PLD5: variants seen among roughly 807,000 people sequenced by gnomAD.
The protein encoded by PLD5 is phospholipase D family member 5, also known as inactive phospholipase D5.
A neutral mutation model predicts 61.1 loss-of-function variants in PLD5; 36 were observed. That is an observed-to-expected ratio of 0.59 (90% CI 0.45 to 0.78). The LOEUF (loss-of-function observed/expected upper bound fraction) is 0.78, where lower values mean the gene tolerates loss of function less well. Among genes scored for constraint, PLD5 ranks in the 30% least tolerant of loss-of-function variants. The probability of loss-of-function intolerance (pLI) is 0.00; values close to 1 mark genes in which losing one functional copy is unlikely to be tolerated. For synonymous variants in PLD5, 243 were observed against 242.8 expected, an observed-to-expected ratio of 1.00 and a Z score of -0.01; for missense variants, 515 against 644.4, an observed-to-expected ratio of 0.80 and a Z score of 2.17.
In PLD5 at chr1:242,089,484, T is replaced by C. The variant is rs1659644604; in HGVS notation, c.*370A>G. 2.2e-6 allele frequency: 1 copy of C among 449,792 alleles called. No individual in the cohort carries two copies. Among genetic ancestry groups the C allele is most frequent in the African/African-American group, 2.0e-5 (1 of 49,862 alleles). 27.9% of individuals were successfully genotyped at this position (449,792 alleles called of 1,614,324 possible). On this transcript the variant is annotated 3_prime_UTR_variant, in exon 10 of 10. Coordinates refer to ENST00000536534, the MANE Select transcript of PLD5 (RefSeq NM_001372062.1). ...TCACCTTCCTCTCTAAATCAACAGT[T>C]CTCAGAATGGTGTTAAAGAGCCCAC...
intron 4 of PLD5, among the ~76,000 whole-genome samples, chr1:242,237,522 AG>A (rs1177759180): frequency 6.6e-6 from 1 of 152,146 alleles, no homozygotes; most frequent in African/African-American, 2.4e-5. Flanking sequence ...TGCAGGAGCA[AG>A]GGGGCTCTCC....
chr1:242,293,819 C>T lies in PLD5; in HGVS notation c.327-5289G>A, dbSNP rs373756434. Among the ~76,000 whole-genome samples, 5 of 152,182 alleles carry T rather than the reference C, an allele frequency of 3.3e-5. No homozygotes were observed. In the East Asian group the frequency reaches 5.8e-4, roughly 18 times the overall value. On this transcript the variant is annotated intron_variant, in intron 2 of 9. Coordinates refer to ENST00000536534, the MANE Select transcript of PLD5 (RefSeq NM_001372062.1). ...CTCTCCTCCTCTTTCTTTACCCAGA[C>T]ATGTTGATTGCTCCTTCTGGGACGC...
At chr1:242,409,794 C>T (rs988505983) in intron 1 of PLD5, among the ~76,000 whole-genome samples, 1 of 152,170 alleles carries the variant, frequency 6.6e-6, no homozygotes, top group Non-Finnish European at 1.5e-5. Context: ...TAAAGGAAGG[C>T]CGCCATGATG....
intron 4 of PLD5, among the ~76,000 whole-genome samples, chr1:242,243,687 C>T (rs1672195027): frequency 6.6e-6 from 1 of 152,162 alleles, no homozygotes; most frequent in African/African-American, 2.4e-5. Context: ...TAGGCCAGAT[C>T]CTGTCCAACT....
At chr1:242,262,428 T>A (rs1295889718) in intron 4 of PLD5, among the ~76,000 whole-genome samples, 1 of 152,236 alleles carries the variant, frequency 6.6e-6, no homozygotes, top group Non-Finnish European at 1.5e-5. Flanking sequence ...ATTTAATACT[T>A]GTGCCTTTTA....
chr1:242,267,724 TAA>T (rs869105885), intron 3 of PLD5, among the ~76,000 whole-genome samples: 1,378 of 123,078 alleles, frequency 0.011, 22 homozygotes, highest in African/African-American at 0.038. Context: ...TACAAAAAGT[TAA>T]AAAAAAAAAA....
intron 6 of PLD5, among the ~76,000 whole-genome samples, chr1:242,119,226 G>GT (rs1465496885): frequency 1.3e-5 from 2 of 151,966 alleles, no homozygotes; most frequent in Non-Finnish European, 2.9e-5. Flanking sequence ...ACCTTAGCAG[G>GT]TTTTTAATTA....
intron 3 of PLD5, among the ~76,000 whole-genome samples, chr1:242,274,332 A>G (rs10926672): frequency 0.4 from 61,174 of 152,126 alleles, 12,754 homozygotes; most frequent in Non-Finnish European, 0.46. Flanking sequence ...GCGGAGGATC[A>G]CTTGAGGCCA....
chr1:242,225,343 T>C lies in PLD5; in HGVS notation c.608-5228A>G, dbSNP rs553055353. ...GTCGTGTGGAACAGTGGTTTGTTTCTCTTTGCTGTTGAGTGATATTTCATG... is the reference window on the plus strand; with the variant it reads ...GTCGTGTGGAACAGTGGTTTGTTTCCCTTTGCTGTTGAGTGATATTTCATG... On this transcript the variant is annotated intron_variant, in intron 4 of 9. Transcript: ENST00000536534. Among the ~76,000 whole-genome samples the C allele has an allele frequency of 4.9e-4, 74 of 150,166 alleles. No homozygotes were observed. The South Asian group carries it at 0.014, about 28-fold the overall frequency.
At chr1:242,295,433 G>T (rs1230962630) in intron 2 of PLD5, among the ~76,000 whole-genome samples, 3 of 152,154 alleles carry the variant, frequency 2.0e-5, no homozygotes, top group Non-Finnish European at 4.4e-5. Context: ...TAGGATAATG[G>T]CCTCCAGCTG....
chr1:242,463,678 A>C (rs2102940365), intron 1 of PLD5, among the ~76,000 whole-genome samples: 2 of 151,170 alleles, frequency 1.3e-5, no homozygotes, highest in East Asian at 1.9e-4. Flanking sequence ...AACTGGCCAC[A>C]CTCCCATCTC....
chr1:242,511,837 T>C (rs1384805425), intron 1 of PLD5, among the ~76,000 whole-genome samples: 1 of 152,152 alleles, frequency 6.6e-6, no homozygotes, highest in African/African-American at 2.4e-5. Flanking sequence ...TGTTAACACA[T>C]TAGGGGAAAT....
At chr1:242,242,287 C>A (rs1672109807) in intron 4 of PLD5, among the ~76,000 whole-genome samples, 2 of 151,962 alleles carry the variant, frequency 1.3e-5, no homozygotes, top group Non-Finnish European at 2.9e-5. Context: ...CGCCTGCAAT[C>A]CAGGGGCAGT....
intron 2 of PLD5, among the ~76,000 whole-genome samples, chr1:242,289,074 C>A (rs1177457908): frequency 2.6e-5 from 4 of 152,152 alleles, no homozygotes; most frequent in Non-Finnish European, 5.9e-5. Context: ...AATTATAAAA[C>A]CTGCTTGTTG....
At chr1:242,501,713 GA>G (rs575804068) in intron 1 of PLD5, among the ~76,000 whole-genome samples, 1 of 151,096 alleles carries the variant, frequency 6.6e-6, no homozygotes, top group Non-Finnish European at 1.5e-5. Flanking sequence ...TCTATGGCTG[GA>G]AAAAAATAGA....
rs899463122 is a variant in PLD5 at position 242,087,081 on chromosome 1, T to A, written c.*2773A>T. 1 of 152,122 alleles carries A rather than the reference T, an allele frequency of 6.6e-6. No homozygotes were observed. The highest frequency in any genetic ancestry group is 1.5e-5 in the Non-Finnish European group (1 of 68,020). 9.4% of individuals were successfully genotyped at this position (152,122 alleles called of 1,614,324 possible). ...TAGAGGGATAGCTAAAGCATCCAAA[T>A]GAAAGAAAGTTCTGCAGAATGAAAT... On this transcript the variant is annotated 3_prime_UTR_variant, in exon 10 of 10. Transcript: ENST00000536534.
chr1:242,432,418 C>T (rs568974363), intron 1 of PLD5, among the ~76,000 whole-genome samples: 3 of 152,228 alleles, frequency 2.0e-5, no homozygotes, highest in Non-Finnish European at 4.4e-5. Flanking sequence ...CTTGTGAAGT[C>T]TAATGGACCA....
At chr1:242,161,426 TCTATTTACAG>T (rs1401883137) in intron 5 of PLD5, among the ~76,000 whole-genome samples, 1 of 151,774 alleles carries the variant, frequency 6.6e-6, no homozygotes, top group East Asian at 1.9e-4. Context: ...AACCATATCA[TCTATTTACAG>T]CTATATAGAA....
chr1:242,268,873 C>T (rs1221825741), intron 3 of PLD5, among the ~76,000 whole-genome samples: 1 of 152,082 alleles, frequency 6.6e-6, no homozygotes, highest in Admixed American at 6.6e-5. Context: ...GATGGAGTCT[C>T]GATCTGTCGC....
Sources: gnomAD v4.1 joint callset for allele counts (sites outside exome capture counted in the v4.1 genomes callset) on GRCh38, gnomAD v4.1.1 for gene constraint, MANE v1.5 for transcripts, NCBI Gene and HGNC (gene_info 2026-07-23, HGNC 2026-07-21) for gene names.